The following RPF2 variants were observed in gnomAD, a reference collection of about 807,000 sequenced individuals.
The protein encoded by RPF2 is brix domain containing 1.
A neutral mutation model predicts 38.9 loss-of-function variants in RPF2; 21 were observed. The ratio of observed to expected loss-of-function variants is 0.54; its 90% CI spans 0.38 to 0.78. The LOEUF (loss-of-function observed/expected upper bound fraction) is 0.78, where lower values mean the gene tolerates loss of function less well. Among genes scored for constraint, RPF2 ranks in the 30% least tolerant of loss-of-function variants. The probability of loss-of-function intolerance (pLI) is 0.00; values close to 1 mark genes in which losing one functional copy is unlikely to be tolerated. For synonymous variants in RPF2, 121 were observed against 126.2 expected, an observed-to-expected ratio of 0.96 and a Z score of 0.28; for missense variants, 314 against 358.1, an observed-to-expected ratio of 0.88 and a Z score of 0.99.
chr6:111,005,662 C>A (rs1331547995), intron 6 of RPF2, among the ~76,000 whole-genome samples: 2 of 152,098 alleles, frequency 1.3e-5, no homozygotes, highest in African/African-American at 2.4e-5. Context: ...GAGGGTCTTA[C>A]TCTGTATCCC....
chr6:110,985,678 G>T (rs760608082), intron 2 of RPF2, among the ~76,000 whole-genome samples: 1 of 152,092 alleles, frequency 6.6e-6, no homozygotes, highest in East Asian at 1.9e-4. Context: ...GGTGGTTCAC[G>T]CCTGTAATCC....
intron 8 of RPF2, among the ~76,000 whole-genome samples, chr6:111,016,670 C>T (rs1182763749): frequency 2.7e-4 from 33 of 122,130 alleles, no homozygotes; most frequent in South Asian, 5.5e-4. Context: ...AATTGTGGTT[C>T]TTTTTTTTTT....
At chr6:111,006,039 C>T (rs1771901418) in intron 6 of RPF2, among the ~76,000 whole-genome samples, 2 of 152,060 alleles carry the variant, frequency 1.3e-5, no homozygotes, top group Non-Finnish European at 2.9e-5. Context: ...CTCCTGACCT[C>T]AAGTGATGCG....
In RPF2 at chr6:111,024,180, A is replaced by T. The variant is rs766942456; in HGVS notation, c.597-3A>T. ...AACATTTCTTTTTACCTATTTCCTA[A>T]AGGTTGCTGTTGAAGAAATCTGGTT... On this transcript the variant is annotated splice_region_variant and splice_polypyrimidine_tract_variant and intron_variant, in intron 8 of 9. Coordinates refer to ENST00000441448, the MANE Select transcript of RPF2 (RefSeq NM_032194.3). The T allele has an allele frequency of 1.5e-5, 23 of 1,585,026 alleles. No homozygotes were observed. Among genetic ancestry groups the T allele is most frequent in the Non-Finnish European group, 2.0e-5 (23 of 1,171,864 alleles).
chr6:110,983,643 T>C (rs2114283356), intron 1 of RPF2, among the ~76,000 whole-genome samples: 1 of 152,288 alleles, frequency 6.6e-6, no homozygotes, highest in South Asian at 2.1e-4. Context: ...CTCCCAGCCC[T>C]AGCTCATTTT....
intron 8 of RPF2, among the ~76,000 whole-genome samples, chr6:111,020,575 A>G (rs908561018): frequency 6.6e-6 from 1 of 152,178 alleles, no homozygotes; most frequent in Non-Finnish European, 1.5e-5. Flanking sequence ...GAGCAAGAAT[A>G]AACTGGCCCA....
At chr6:111,002,763 A>G (rs1228515616) in intron 6 of RPF2, among the ~76,000 whole-genome samples, 1 of 146,042 alleles carries the variant, frequency 6.8e-6, no homozygotes, top group African/African-American at 2.5e-5. Context: ...ACTCAGACTT[A>G]TTAGGCAGTC....
At chr6:110,991,210 A>G (rs1402495039) in intron 3 of RPF2, among the ~76,000 whole-genome samples, 1 of 152,116 alleles carries the variant, frequency 6.6e-6, no homozygotes, top group Non-Finnish European at 1.5e-5. Flanking sequence ...ATAATATCTA[A>G]TATAATGTAA....
intron 4 of RPF2, among the ~76,000 whole-genome samples, chr6:110,996,581 A>G (rs535422459): frequency 7.2e-5 from 11 of 152,348 alleles, no homozygotes; most frequent in African/African-American, 2.6e-4. Flanking sequence ...TGCTATTCCA[A>G]AATGACAGCA....
chr6:110,995,270 C>G (rs72939512), intron 4 of RPF2, among the ~76,000 whole-genome samples: 163 of 152,274 alleles, frequency 1.1e-3, no homozygotes, highest in Non-Finnish European at 2.0e-3. Flanking sequence ...AAGGTGTGTT[C>G]ACATATGACA....
intron 1 of RPF2, 46 bp from the exon 2 acceptor site, chr6:110,984,960 G>A (rs1315334413): frequency 1.9e-6 from 3 of 1,556,174 alleles, no homozygotes; most frequent in Non-Finnish European, 2.6e-6. Flanking sequence ...GCTTTGCAAT[G>A]TGAGGAAAAT....
intron 2 of RPF2, among the ~76,000 whole-genome samples, chr6:110,987,308 C>T (rs1771541142): frequency 6.6e-6 from 1 of 152,070 alleles, no homozygotes; most frequent in South Asian, 2.1e-4. Flanking sequence ...ATCTGTCCGC[C>T]TCGGCCTCCC....
At chr6:111,020,224 ACTT>A (rs778837638) in intron 8 of RPF2, among the ~76,000 whole-genome samples, 15 of 149,898 alleles carry the variant, frequency 1.0e-4, no homozygotes, top group Non-Finnish European at 1.9e-4. Context: ...GACCTGGAAC[ACTT>A]CTTTTTTTGA....
At chr6:111,003,089 CTT>C (rs1188480263) in intron 6 of RPF2, among the ~76,000 whole-genome samples, 1 of 136,844 alleles carries the variant, frequency 7.3e-6, no homozygotes, top group Non-Finnish European at 1.6e-5. Flanking sequence ...ACCCCCCCCC[CTT>C]TTTTTTTCTT....
At chr6:111,001,514 A>T (rs1465418252) in intron 6 of RPF2, among the ~76,000 whole-genome samples, 1 of 151,840 alleles carries the variant, frequency 6.6e-6, no homozygotes, top group East Asian at 1.9e-4. Context: ...GGTAACTGGG[A>T]CTATAGGTGT....
At chr6:110,982,709 C>G (rs1270908578) in intron 1 of RPF2, among the ~76,000 whole-genome samples, 1 of 152,100 alleles carries the variant, frequency 6.6e-6, no homozygotes, top group African/African-American at 2.4e-5. Context: ...TAAATTTGTT[C>G]AAGAATATTT....
chr6:110,988,494 G>A (rs531458498), intron 2 of RPF2, among the ~76,000 whole-genome samples: 1 of 150,852 alleles, frequency 6.6e-6, no homozygotes, highest in Non-Finnish European at 1.5e-5. Flanking sequence ...GGAGTGCAGT[G>A]GTGCAATCAC....
At chr6:110,996,379 A>G (rs1048598389) in intron 4 of RPF2, among the ~76,000 whole-genome samples, 1 of 151,966 alleles carries the variant, frequency 6.6e-6, no homozygotes, top group Non-Finnish European at 1.5e-5. Flanking sequence ...GGGTGTCACC[A>G]TGTTGGCCAG....
At chr6:110,986,126 G>C (rs780811677) in intron 2 of RPF2, among the ~76,000 whole-genome samples, 1 of 152,152 alleles carries the variant, frequency 6.6e-6, no homozygotes, top group East Asian at 1.9e-4. Context: ...TTGGAGAACT[G>C]TAAATAATTG....
Sources: gnomAD v4.1 joint callset for allele counts (sites outside exome capture counted in the v4.1 genomes callset) on GRCh38, gnomAD v4.1.1 for gene constraint, MANE v1.5 for transcripts, NCBI Gene and HGNC (gene_info 2026-07-23, HGNC 2026-07-21) for gene names.